Variants in SNTG1 observed in about 807,000 individuals in gnomAD.
The protein encoded by SNTG1 is syntrophin gamma 1, also known as gamma-1-syntrophin.
SNTG1 carries 39 observed loss-of-function variants against 74.7 expected under a neutral mutation model. That is an observed-to-expected ratio of 0.52 (90% CI 0.40 to 0.68). The LOEUF (loss-of-function observed/expected upper bound fraction) is 0.68. SNTG1 is among the 30% of genes least tolerant of loss of function. SNTG1 has a pLI of 0.00. For synonymous variants in SNTG1, 254 were observed against 217.1 expected, an observed-to-expected ratio of 1.17 and a Z score of -1.49; for missense variants, 685 against 609.5, an observed-to-expected ratio of 1.12 and a Z score of -1.30.
At chr8:50,681,708 A>T (rs1161484341) in intron 15 of SNTG1, among the ~76,000 whole-genome samples, 1 of 152,184 alleles carries the variant, frequency 6.6e-6, no homozygotes, top group Non-Finnish European at 1.5e-5. Context: ...GTCAAAACTC[A>T]CTTTTTAGGA....
chr8:50,478,807 T>C (rs1033020885), intron 8 of SNTG1, among the ~76,000 whole-genome samples: 3 of 152,184 alleles, frequency 2.0e-5, no homozygotes, highest in African/African-American at 4.8e-5. Flanking sequence ...TCTATTTCAC[T>C]GGAGTTCCAT....
chr8:50,728,837 C>T (rs561114772), intron 17 of SNTG1, among the ~76,000 whole-genome samples: 1 of 152,264 alleles, frequency 6.6e-6, no homozygotes, highest in African/African-American at 2.4e-5. Flanking sequence ...TGGGTCAAAT[C>T]TTTCACCTCT....
chr8:50,773,563 C>G (rs573945709), intron 18 of SNTG1, among the ~76,000 whole-genome samples: 1 of 152,150 alleles, frequency 6.6e-6, no homozygotes, highest in East Asian at 1.9e-4. Flanking sequence ...GCTAAATAGA[C>G]AGAAATAGTC....
At chr8:50,539,799 T>C (rs909248064) in intron 11 of SNTG1, among the ~76,000 whole-genome samples, 16 of 152,332 alleles carry the variant, frequency 1.1e-4, no homozygotes, top group African/African-American at 3.4e-4. Context: ...CTGAAAACCT[T>C]GTGAACAGGG....
intron 4 of SNTG1, among the ~76,000 whole-genome samples, chr8:50,408,961 G>A (rs560313824): frequency 3.3e-5 from 5 of 152,194 alleles, no homozygotes; most frequent in Admixed American, 6.5e-5. Flanking sequence ...CAGGGTCAGC[G>A]CCAGAAAACC....
chr8:50,154,276 G>A (rs752430919), intron 1 of SNTG1, among the ~76,000 whole-genome samples: 58 of 152,144 alleles, frequency 3.8e-4, no homozygotes, highest in Non-Finnish European at 4.4e-4. Flanking sequence ...AAGACCCTTG[G>A]AAAAGTGCAG....
chr8:50,622,940 G>C (rs1471088199), intron 13 of SNTG1, among the ~76,000 whole-genome samples: 1 of 152,042 alleles, frequency 6.6e-6, no homozygotes, highest in African/African-American at 2.4e-5. Flanking sequence ...AATGTTTTCT[G>C]AAATTCCATT....
intron 5 of SNTG1, among the ~76,000 whole-genome samples, chr8:50,439,938 G>GT (rs2131576096): frequency 6.6e-6 from 1 of 150,382 alleles, no homozygotes; most frequent in African/African-American, 2.4e-5. Flanking sequence ...TTTTTTTGTT[G>GT]TTTTTCGTAT....
At chr8:50,007,336 T>A (rs1405789022) in intron 1 of SNTG1, among the ~76,000 whole-genome samples, 5 of 152,064 alleles carry the variant, frequency 3.3e-5, no homozygotes, top group Non-Finnish European at 7.4e-5. Context: ...TTCAGAACTC[T>A]CCTTGGGTCG....
At chr8:50,115,576 A>ACAAAAAAAAAAAAAAAAAAAC (rs1554580678) in intron 1 of SNTG1, among the ~76,000 whole-genome samples, 1 of 82,800 alleles carries the variant, frequency 1.2e-5, no homozygotes, top group Non-Finnish European at 2.7e-5. Context: ...TCAAAAAAAA[A>ACAAAAAAAAAAAAAAAAAAAC]AAAAAAAAAA....
At chr8:50,162,277 C>A (rs1426545139) in intron 1 of SNTG1, among the ~76,000 whole-genome samples, 1 of 152,096 alleles carries the variant, frequency 6.6e-6, no homozygotes, top group Non-Finnish European at 1.5e-5. Flanking sequence ...TATAAGAAAG[C>A]ACCGGCCGTG....
intron 12 of SNTG1, among the ~76,000 whole-genome samples, chr8:50,587,472 T>C (rs6473238): frequency 0.2 from 30,975 of 152,090 alleles, 5,336 homozygotes; most frequent in African/African-American, 0.47. Context: ...ATTGCTGTGA[T>C]TTTTCCACTT....
At chr8:50,720,467 C>A in intron 17 of SNTG1, among the ~76,000 whole-genome samples, 1 of 152,122 alleles carries the variant, frequency 6.6e-6, no homozygotes, top group East Asian at 1.9e-4. Flanking sequence ...AGGAGTATAA[C>A]AACAGATGCA....
At chr8:50,733,172 A>G (rs2095517154) in intron 17 of SNTG1, among the ~76,000 whole-genome samples, 1 of 152,016 alleles carries the variant, frequency 6.6e-6, no homozygotes. Flanking sequence ...TACAAATGAG[A>G]ACATGTGGAA....
At chr8:50,056,675 G>A (rs960682571) in intron 1 of SNTG1, among the ~76,000 whole-genome samples, 3 of 152,288 alleles carry the variant, frequency 2.0e-5, no homozygotes, top group Non-Finnish European at 2.9e-5. Context: ...CTGTGGTGCC[G>A]TGTGGTTTAC....
intron 11 of SNTG1, among the ~76,000 whole-genome samples, chr8:50,543,841 C>T (rs139025218): frequency 3.9e-5 from 6 of 152,194 alleles, no homozygotes; most frequent in Non-Finnish European, 8.8e-5. Context: ...CACATCTCTG[C>T]CAGCATTTAG....
intron 13 of SNTG1, among the ~76,000 whole-genome samples, chr8:50,652,950 A>T (rs886337123): frequency 4.6e-5 from 7 of 151,984 alleles, no homozygotes; most frequent in African/African-American, 1.7e-4. Context: ...TGTTTGCCTT[A>T]GATCTACGTT....
chr8:50,060,000 GC>G (rs1474879456), intron 1 of SNTG1, among the ~76,000 whole-genome samples: 1 of 151,994 alleles, frequency 6.6e-6, no homozygotes, highest in Non-Finnish European at 1.5e-5. Context: ...CACCATGTTT[GC>G]CAACACTTGC....
At chr8:50,668,495 CATTATTATTATTATT>C (rs67860057) in intron 15 of SNTG1, among the ~76,000 whole-genome samples, 80,807 of 145,208 alleles carry the variant, frequency 0.56, 24,336 homozygotes, top group Non-Finnish European at 0.66. Context: ...ATCTTTCGCA[CATTATTATTATTATT>C]ATTATTATTA....
Sources: allele counts gnomAD v4.1 joint callset (sites outside exome capture counted in the v4.1 genomes callset), GRCh38; gene constraint gnomAD v4.1.1; transcripts MANE v1.5; gene names NCBI Gene and HGNC (gene_info 2026-07-23, HGNC 2026-07-21).